SLC30A4: variants seen among roughly 807,000 people sequenced by gnomAD.
SLC30A4 encodes probable proton-coupled zinc antiporter SLC30A4.
SLC30A4 carries 20 observed loss-of-function variants against 41.7 expected under a neutral mutation model. The ratio of observed to expected loss-of-function variants is 0.48; its 90% confidence interval spans 0.34 to 0.70. The LOEUF (loss-of-function observed/expected upper bound fraction) is 0.70. Among genes scored for constraint, SLC30A4 ranks in the 30% least tolerant of loss-of-function variants. The pLI, the probability that SLC30A4 is intolerant of heterozygous loss-of-function variation, is 0.01. For missense variants in SLC30A4, 441 were observed against 529.3 expected (o/e 0.83, Z 1.64); for synonymous variants, 181 against 195.9 (o/e 0.92, Z 0.64).
chr15:45,516,794 C>T (rs1008386210), intron 2 of SLC30A4, among the ~76,000 whole-genome samples: 3 of 151,728 alleles, frequency 2.0e-5, no homozygotes, highest in Admixed American at 6.6e-5. Context: ...CACTTGAATC[C>T]GGGAGGTGGA....
chr15:45,515,470 C>A (rs1442324410), intron 2 of SLC30A4, among the ~76,000 whole-genome samples: 1 of 151,962 alleles, frequency 6.6e-6, no homozygotes, highest in Non-Finnish European at 1.5e-5. Context: ...CTGGTTAACA[C>A]GGTGAAAGCC....
chr15:45,495,940 T>G lies in SLC30A4; in HGVS notation c.539-5059A>C, dbSNP rs1891900036. On this transcript the variant is annotated intron_variant, in intron 3 of 7. Transcript: ENST00000261867. ...TTAATAAGGAATGTTGTTCCCTTGG[T>G]GAAAAGCAAAGACACTAGTCTGTTA... Among the ~76,000 whole-genome samples the G allele has an allele frequency of 2.0e-5, 3 of 152,216 alleles. No homozygotes were observed. In the South Asian group the frequency reaches 6.2e-4, roughly 32 times the overall value.
chr15:45,487,960 A>AGTGTGTGTGTGTGTGTGT (rs58392709), intron 5 of SLC30A4, among the ~76,000 whole-genome samples: 1 of 139,780 alleles, frequency 7.2e-6, no homozygotes, highest in African/African-American at 2.6e-5. Context: ...GCTGGAAAAA[A>AGTGTGTGTGTGTGTGTGT]GTGTGTGTGT....
rs1892689192 is a variant in SLC30A4, at chr15:45,522,152, G to C, written c.203C>G (p.Thr68Ser). The C allele has an allele frequency of 6.2e-7, 1 of 1,614,096 alleles. No individual in the cohort carries two copies. The highest frequency in any genetic ancestry group is 1.7e-5 in the Admixed American group (1 of 60,002). Residue 68 changes from threonine to serine, a missense_variant, in exon 2 of 8, where the codon ACC (threonine) becomes AGC (serine). Transcript: ENST00000261867. The stretch of plus-strand genomic sequence containing the variant: ...TAAGGAATCATCGTCGGCCTGGAGG[G>C]TCGGGTGCGCCCCGTTAACAGGCCT... ...PERPVNGAHPTLQADDDSLLD... is the reference protein window; with the variant it reads ...PERPVNGAHPSLQADDDSLLD...
intron 5 of SLC30A4, 23 bp from the exon 6 acceptor site, chr15:45,487,655 T>G (rs762114358): frequency 9.0e-7 from 1 of 1,111,860 alleles, no homozygotes; most frequent in African/African-American, 1.6e-5. Flanking sequence ...AGATCAAAAT[T>G]TATGATTAAA....
chr15:45,480,762 A>G lies in SLC30A4; in HGVS notation c.*4401T>C, dbSNP rs1891590738. 6.8e-6 allele frequency: 1 copy of G among 147,522 alleles called. No homozygotes were observed. Among genetic ancestry groups the G allele is most frequent in the African/African-American group, 2.7e-5 (1 of 37,606 alleles). 9.1% of individuals were successfully genotyped at this position (147,522 alleles called of 1,614,324 possible). A position where few individuals can be genotyped will look rare whatever the true frequency, so the allele number is the denominator to read the frequency against. Reference sequence around the variant, plus strand: ...CATAAAAGGAAAATAGATTTAGCTAACTGCTTGTTTCAAAATCAAATAAGT... The same window carrying G: ...CATAAAAGGAAAATAGATTTAGCTAGCTGCTTGTTTCAAAATCAAATAAGT... On this transcript the variant is annotated 3_prime_UTR_variant, in exon 8 of 8. Coordinates refer to ENST00000261867, the MANE Select transcript of SLC30A4 (RefSeq NM_013309.6).
intron 3 of SLC30A4, among the ~76,000 whole-genome samples, chr15:45,491,926 A>G (rs1478374821): frequency 6.6e-6 from 1 of 152,146 alleles, no homozygotes; most frequent in Non-Finnish European, 1.5e-5. Flanking sequence ...ATCAGTCATA[A>G]TAAATGAAAT....
chr15:45,487,298 C>T (rs998679839), intron 6 of SLC30A4, among the ~76,000 whole-genome samples: 1 of 152,164 alleles, frequency 6.6e-6, no homozygotes, highest in African/African-American at 2.4e-5. Flanking sequence ...GGATAATTTA[C>T]CACATTATCT....
chr15:45,521,697 A>G (rs1892671860), intron 2 of SLC30A4: 1 of 405,368 alleles, frequency 2.5e-6, no homozygotes, highest in African/African-American at 2.0e-5. Flanking sequence ...GTTACATGAC[A>G]TACAATGAAG....
chr15:45,501,673 T>A (rs75814194), intron 3 of SLC30A4, among the ~76,000 whole-genome samples: 2 of 152,066 alleles, frequency 1.3e-5, no homozygotes, highest in Non-Finnish European at 2.9e-5. Flanking sequence ...GCTAATTTTT[T>A]AAAAAGTTTT....
chr15:45,495,284 A>G (rs1891889401), intron 3 of SLC30A4, among the ~76,000 whole-genome samples: 1 of 152,210 alleles, frequency 6.6e-6, no homozygotes, highest in South Asian at 2.1e-4. Context: ...CCCCTTATAT[A>G]ATTAGGTTGT....
intron 3 of SLC30A4, among the ~76,000 whole-genome samples, chr15:45,491,709 CA>C (rs1311208149): frequency 2.6e-5 from 4 of 152,164 alleles, no homozygotes; most frequent in Admixed American, 1.3e-4. Flanking sequence ...CTCTAAAAAA[CA>C]CATTAAAAAT....
intron 5 of SLC30A4, among the ~76,000 whole-genome samples, chr15:45,487,909 T>C (rs914114816): frequency 8.1e-6 from 1 of 122,960 alleles, no homozygotes; most frequent in African/African-American, 3.1e-5. Context: ...TGGAAAGAAG[T>C]AAGTGTGTGT....
At chr15:45,511,421 A>G in intron 2 of SLC30A4, 137 bp from the exon 3 acceptor site, 1 of 550,340 alleles carries the variant, frequency 1.8e-6, no homozygotes, top group Non-Finnish European at 3.0e-6. Context: ...AAATCAAGGT[A>G]TTCTGAAATT....
Position 45,522,361 on chromosome 15 carries a change from G to A in SLC30A4, c.-7C>T. On this transcript the variant is annotated 5_prime_UTR_variant, in exon 2 of 8. Transcript: ENST00000261867. ...ACGCGCCAGAGCCGGCCATGGCAGA[G>A]GCTGAGCGGCCGCGGTGCGGAACGG... 4 of 1,594,018 alleles carry A rather than the reference G, an allele frequency of 2.5e-6. No homozygotes were observed. The highest frequency in any genetic ancestry group is 1.7e-6 in the Non-Finnish European group (2 of 1,171,612).
chr15:45,508,433 C>A (rs1892206702), intron 3 of SLC30A4, among the ~76,000 whole-genome samples: 1 of 152,170 alleles, frequency 6.6e-6, no homozygotes, highest in African/African-American at 2.4e-5. Context: ...TTCAATTAAT[C>A]TTCCGTTTTC....
intron 3 of SLC30A4, among the ~76,000 whole-genome samples, chr15:45,505,606 A>G (rs1052330965): frequency 2.0e-5 from 3 of 152,230 alleles, no homozygotes; most frequent in Non-Finnish European, 4.4e-5. Flanking sequence ...TTTTCAAACC[A>G]GAAGCTTCTA....
intron 2 of SLC30A4, among the ~76,000 whole-genome samples, chr15:45,513,387 T>A (rs1175878422): frequency 3.3e-5 from 5 of 151,392 alleles, no homozygotes; most frequent in African/African-American, 1.2e-4. Context: ...TTTATCTTTT[T>A]TTTTTTTTCA....
intron 2 of SLC30A4, among the ~76,000 whole-genome samples, chr15:45,514,929 C>T (rs1043653230): frequency 4.6e-5 from 7 of 151,924 alleles, no homozygotes; most frequent in African/African-American, 1.7e-4. Flanking sequence ...GTCCAGGCTG[C>T]AGTGCAGTGG....
Sources: allele counts gnomAD v4.1 joint callset (sites outside exome capture counted in the v4.1 genomes callset), GRCh38; gene constraint gnomAD v4.1.1; transcripts MANE v1.5; gene names NCBI Gene and HGNC (gene_info 2026-07-23, HGNC 2026-07-21).